The following NUFIP2 variants were observed in gnomAD, a reference collection of about 807,000 sequenced individuals.
NUFIP2 encodes FMR1-interacting protein NUFIP2.
NUFIP2 carries 6 observed loss-of-function variants against 56.9 expected under a neutral mutation model. The observed-to-expected ratio is 0.11, with a 90% CI of 0.06 to 0.21. The LOEUF is 0.21. Among genes scored for constraint, NUFIP2 ranks in the 10% least tolerant of loss-of-function variants. The pLI is 1.00. For missense variants in NUFIP2, 828 were observed against 826.8 expected (o/e 1.00, Z -0.02); for synonymous variants, 321 against 298.2 (o/e 1.08, Z -0.79).
At position 29,287,715 on chromosome 17, in the gene NUFIP2, G is replaced by A. The variant is rs138489543; in HGVS notation, c.279C>T (p.Gly93=). ...CAGCATTACCGTTTAGTTCACCATA[G>A]CCTAGGGGAGGGGAAAAAAAGGATT... ...QHQETPKKKT[G]YGELNGNAGE... The change falls in exon 2 of 4, where the codon GGC becomes GGT. Residue 93 remains glycine (G), a splice_region_variant and synonymous_variant. Coordinates refer to ENST00000225388, the MANE Select transcript of NUFIP2 (RefSeq NM_020772.3). 183 of 1,566,068 alleles carry A rather than the reference G, an allele frequency of 1.2e-4. No homozygotes were observed. Among genetic ancestry groups the A allele is most frequent in the Middle Eastern group, 5.2e-4 (3 of 5,816 alleles).
intron 1 of NUFIP2, among the ~76,000 whole-genome samples, chr17:29,291,040 A>C (rs971401480): frequency 6.7e-6 from 1 of 148,382 alleles, no homozygotes; most frequent in Non-Finnish European, 1.5e-5. Context: ...AATAACAAAA[A>C]AAAAAAAAAA....
At chr17:29,267,809 C>T (rs1186361000) in intron 2 of NUFIP2, among the ~76,000 whole-genome samples, 4 of 152,184 alleles carry the variant, frequency 2.6e-5, no homozygotes, top group Non-Finnish European at 4.4e-5. Flanking sequence ...CATGCCATCA[C>T]ACCCAGCTAA....
chr17:29,285,375 A>G (rs1359467009), intron 2 of NUFIP2, among the ~76,000 whole-genome samples: 3 of 151,834 alleles, frequency 2.0e-5, no homozygotes, highest in African/African-American at 7.3e-5. Flanking sequence ...GGTGGATCAC[A>G]AGGTCAAGAG....
At chr17:29,275,276 G>A (rs1209892518) in intron 2 of NUFIP2, among the ~76,000 whole-genome samples, 2 of 151,896 alleles carry the variant, frequency 1.3e-5, no homozygotes, top group Admixed American at 6.6e-5. Context: ...CACCTGCCTC[G>A]GCCTCCCAAA....
Position 29,286,735 on chromosome 17 carries a change from A to G in NUFIP2, c.1259T>C (p.Leu420Ser). 1 of 1,614,164 alleles carries G rather than the reference A, an allele frequency of 6.2e-7. No individual in the cohort carries two copies. The highest frequency in any genetic ancestry group is 1.7e-5 in the Admixed American group (1 of 60,016). Residue 420 changes from leucine (L) to serine (S), a missense_variant, in exon 2 of 4, where the codon TTA becomes TCA. Coordinates refer to ENST00000225388, the MANE Select transcript of NUFIP2 (RefSeq NM_020772.3). ...TSANFSNGPV[L>S]AGTDGNVYPP... The stretch of plus-strand genomic sequence containing the variant: ...ATAAACATTTCCATCAGTCCCTGCT[A>G]AAACAGGCCCATTAGAAAAGTTGGC...
intron 3 of NUFIP2, among the ~76,000 whole-genome samples, chr17:29,266,386 C>T (rs1014237403): frequency 2.6e-5 from 4 of 152,148 alleles, no homozygotes; most frequent in African/African-American, 9.6e-5. Context: ...AGTCCTGCCA[C>T]TTTCTAGTTT....
intron 1 of NUFIP2, among the ~76,000 whole-genome samples, chr17:29,288,212 T>A (rs1040733014): frequency 6.6e-5 from 10 of 152,126 alleles, no homozygotes; most frequent in Non-Finnish European, 2.9e-5. Context: ...CTCGGCTAAT[T>A]CTTTTTGTAT....
At chr17:29,275,342 C>T (rs569112531) in intron 2 of NUFIP2, among the ~76,000 whole-genome samples, 1 of 152,064 alleles carries the variant, frequency 6.6e-6, no homozygotes, top group East Asian at 1.9e-4. Context: ...AGTCTTAAGC[C>T]TAGTATATAA....
At position 29,276,431 on chromosome 17, in the gene NUFIP2, C is replaced by G. The variant is rs191226102; in HGVS notation, c.2003-8901G>C. Among the ~76,000 whole-genome samples, 94 of 152,266 alleles carry G rather than the reference C, an allele frequency of 6.2e-4. No individual in the cohort carries two copies. The East Asian group carries it at 0.018, about 29-fold the overall frequency. On this transcript the variant is annotated intron_variant, in intron 2 of 3. Coordinates refer to ENST00000225388, the MANE Select transcript of NUFIP2 (RefSeq NM_020772.3). ...CACTGCAACCTCCACCTCCCAGGTTCAAGCGATTCTCCTGCCTTAGTCTCC... is the reference window on the plus strand; with the variant it reads ...CACTGCAACCTCCACCTCCCAGGTTGAAGCGATTCTCCTGCCTTAGTCTCC...
At position 29,261,929 on chromosome 17, in the gene NUFIP2, T is replaced by G. The variant is rs1181705085; in HGVS notation, c.*2610A>C. The G allele has an allele frequency of 2.0e-5, 3 of 152,108 alleles. No individual in the cohort carries two copies. The highest frequency in any genetic ancestry group is 4.0e-4 in the East Asian group (2 of 5,054). The allele number at this position is 152,108 out of a possible 1,614,324, so 9.4% of individuals were successfully genotyped here. A position where few individuals can be genotyped will look rare whatever the true frequency, so the allele number is the denominator to read the frequency against. On this transcript the variant is annotated 3_prime_UTR_variant, in exon 4 of 4. Transcript: ENST00000225388. ...AAGTGAAATGTTGCATTGTTTCATT[T>G]AGAAGTGAGACTCTCAAAAACCTTT... is the stretch of plus-strand genomic sequence containing the variant.
intron 1 of NUFIP2, 130 bp downstream of exon 1, chr17:29,293,653 T>TC: frequency 1.0e-6 from 1 of 974,460 alleles, no homozygotes; most frequent in Non-Finnish European, 1.5e-6. Flanking sequence ...GAAAGGGGCA[T>TC]CCCCAGAGCC....
intron 2 of NUFIP2, among the ~76,000 whole-genome samples, chr17:29,273,802 CTT>C (rs1265230645): frequency 1.3e-5 from 2 of 152,154 alleles, no homozygotes; most frequent in Non-Finnish European, 2.9e-5. Context: ...TACATCAAAA[CTT>C]ATATTTAGCT....
At chr17:29,285,279 G>T (rs1341143067) in intron 2 of NUFIP2, among the ~76,000 whole-genome samples, 1 of 149,826 alleles carries the variant, frequency 6.7e-6, no homozygotes, top group African/African-American at 2.5e-5. Flanking sequence ...CAGCCTGGGT[G>T]AGAGAGTGAG....
Position 29,263,663 on chromosome 17 carries a change from C to T in NUFIP2, c.*876G>A, listed in dbSNP as rs2069016829. ...TGAAAAGCAGAATATATTTTTGCTC[C>T]CAGTTATACAATTACATTAAAATAT... On this transcript the variant is annotated 3_prime_UTR_variant, in exon 4 of 4. Coordinates refer to ENST00000225388, the MANE Select transcript of NUFIP2 (RefSeq NM_020772.3). 1 of 152,634 alleles carries T rather than the reference C, an allele frequency of 6.6e-6. No homozygotes were observed. Among genetic ancestry groups the T allele is most frequent in the South Asian group, 2.1e-4 (1 of 4,820 alleles). 9.5% of individuals were successfully genotyped at this position (152,634 alleles called of 1,614,324 possible).
At chr17:29,290,215 T>C (rs530110808) in intron 1 of NUFIP2, among the ~76,000 whole-genome samples, 1 of 152,262 alleles carries the variant, frequency 6.6e-6, no homozygotes, top group South Asian at 2.1e-4. Context: ...TAAGAGTTCT[T>C]AGATTCCACA....
Position 29,262,610 on chromosome 17 carries a change from A to G in NUFIP2, c.*1929T>C, listed in dbSNP as rs1429981215. The G allele has an allele frequency of 6.6e-6, 1 of 152,390 alleles. No homozygotes were observed. 9.4% of individuals were successfully genotyped at this position (152,390 alleles called of 1,614,324 possible). A position where few individuals can be genotyped will look rare whatever the true frequency, so the allele number is the denominator to read the frequency against. ...CTAAATGCAGGGCACATCTGTAAACATATTATACATTTGAAAATTACAATA... is the reference window on the plus strand; with the variant it reads ...CTAAATGCAGGGCACATCTGTAAACGTATTATACATTTGAAAATTACAATA... On this transcript the variant is annotated 3_prime_UTR_variant, in exon 4 of 4. Transcript: ENST00000225388.
Position 29,259,671 on chromosome 17 carries a change from C to A in NUFIP2, c.*4868G>T, listed in dbSNP as rs1462011410. 10 of 150,904 alleles carry A rather than the reference C, an allele frequency of 6.6e-5. No individual in the cohort carries two copies. The highest frequency in any genetic ancestry group is 4.6e-4 in the Admixed American group (7 of 15,098). 9.3% of individuals were successfully genotyped at this position (150,904 alleles called of 1,614,324 possible). ...AAAATTGTATGGAAAATAGGGAAGT[C>A]TGAATCAGCAATCCCATCACATATG... On this transcript the variant is annotated 3_prime_UTR_variant, in exon 4 of 4. Transcript: ENST00000225388.
At chr17:29,280,515 G>A (rs556544256) in intron 2 of NUFIP2, among the ~76,000 whole-genome samples, 1 of 151,642 alleles carries the variant, frequency 6.6e-6, no homozygotes, top group African/African-American at 2.4e-5. Flanking sequence ...TCACTTGAGG[G>A]CAGGAATTCC....
At position 29,286,482 on chromosome 17, in the gene NUFIP2, C is replaced by T. The variant is rs2069175075; in HGVS notation, c.1512G>A (p.Gln504=). 1 of 1,614,042 alleles carries T rather than the reference C, an allele frequency of 6.2e-7. No homozygotes were observed. Among genetic ancestry groups the T allele is most frequent in the Non-Finnish European group, 8.5e-7 (1 of 1,180,034 alleles). ...TTATAAATGATAAACCCCACTGATT[C>T]TGGAAGATATCCCCCAGGTTTTGCT... is the stretch of plus-strand genomic sequence containing the variant. ...TDQQNLGDIF[Q]NQWGLSFINE... The change falls in exon 2 of 4, where the codon CAG becomes CAA. Residue 504 remains glutamine (Q), a synonymous_variant. Coordinates refer to ENST00000225388, the MANE Select transcript of NUFIP2 (RefSeq NM_020772.3).
Sources: allele counts gnomAD v4.1 joint callset (sites outside exome capture counted in the v4.1 genomes callset), GRCh38; gene constraint gnomAD v4.1.1; transcripts MANE v1.5; gene names NCBI Gene and HGNC (gene_info 2026-07-23, HGNC 2026-07-21).